AGO1: variants seen among roughly 807,000 people sequenced by gnomAD.
The protein encoded by AGO1 is protein argonaute-1.
A neutral mutation model predicts 109.2 loss-of-function variants in AGO1; 11 were observed. The observed-to-expected ratio is 0.10, with a 90% confidence interval of 0.06 to 0.17. AGO1 has a LOEUF of 0.17. AGO1 is among the 10% of genes least tolerant of loss of function. The pLI is 1.00. For missense variants in AGO1, 574 were observed against 1,140.3 expected (o/e 0.50, Z 7.15); for synonymous variants, 422 against 418.6 (o/e 1.01, Z -0.10).
In AGO1 at chr1:35,919,014, C is replaced by T. The variant is rs1443945240; in HGVS notation, c.2266-41C>T. On this transcript the variant is annotated intron_variant, in intron 17 of 18. Coordinates refer to ENST00000373204, the MANE Select transcript of AGO1 (RefSeq NM_012199.5). The surrounding 1 kb of genome is among the most constrained non-coding windows in gnomAD (Gnocchi z 6.6). Reference sequence around the variant, plus strand: ...CTGTTCCCCTATTATCAGCCATCTTCTCTGCCCAGCCTGGGACCCCTCACC... The same window carrying T: ...CTGTTCCCCTATTATCAGCCATCTTTTCTGCCCAGCCTGGGACCCCTCACC... 1 of 1,582,808 alleles carries T rather than the reference C, an allele frequency of 6.3e-7. No individual in the cohort carries two copies. The highest frequency in any genetic ancestry group is 8.7e-7 in the Non-Finnish European group (1 of 1,152,534).
In AGO1 at chr1:35,916,904, C is replaced by T. The variant is rs187554351; in HGVS notation, c.2029-689C>T. Reference sequence around the variant, plus strand: ...AGCAGGTCTTAGTAACATTAACAGACGTGGAGAAAATGAGACTTAGTGGAG... The same window carrying T: ...AGCAGGTCTTAGTAACATTAACAGATGTGGAGAAAATGAGACTTAGTGGAG... On this transcript the variant is annotated intron_variant, in intron 15 of 18. Coordinates refer to ENST00000373204, the MANE Select transcript of AGO1 (RefSeq NM_012199.5). Among the ~76,000 whole-genome samples the T allele has an allele frequency of 9.2e-5, 14 of 152,272 alleles. No homozygotes were observed. In the East Asian group the frequency reaches 2.1e-3, roughly 23 times the overall value.
In AGO1 at chr1:35,923,676, T is replaced by G. The variant is rs1326832455; in HGVS notation, c.*4069T>G. 6.6e-6 allele frequency: 1 copy of G among 152,624 alleles called. No individual in the cohort carries two copies. Among genetic ancestry groups the G allele is most frequent in the Non-Finnish European group, 1.5e-5 (1 of 68,034 alleles). The allele number at this position is 152,624 out of a possible 1,614,324, so 9.5% of individuals were successfully genotyped here. ...TCGCTTTCCTCCGACTTAATAGGACTTGCCTTCTCCCTGGGCAGGGAGAGA... is the reference window on the plus strand; with the variant it reads ...TCGCTTTCCTCCGACTTAATAGGACGTGCCTTCTCCCTGGGCAGGGAGAGA... On this transcript the variant is annotated 3_prime_UTR_variant, in exon 19 of 19. Transcript: ENST00000373204.
At chr1:35,882,717 G>C, upstream of AGO1, 1 of 706,676 alleles carries the variant, frequency 1.4e-6, no homozygotes, top group Non-Finnish European at 1.7e-6. The surrounding 1 kb of genome is among the most constrained non-coding windows in gnomAD (Gnocchi z 5.1). Context: ...AGCACATGGC[G>C]TGGAAGAGGG....
intron 14 of AGO1, among the ~76,000 whole-genome samples, chr1:35,914,484 A>G (rs1003008850): frequency 6.6e-6 from 1 of 152,156 alleles, no homozygotes; most frequent in South Asian, 2.1e-4. Context: ...GAGTGTAGCC[A>G]GAGACTTGAC....
chr1:35,902,145 T>C, intron 10 of AGO1, 59 bp from the exon 11 acceptor site: 1 of 1,589,012 alleles, frequency 6.3e-7, no homozygotes, highest in Non-Finnish European at 8.6e-7. Context: ...GGGCTTTTGC[T>C]CCCCTACCCA....
intron 15 of AGO1, among the ~76,000 whole-genome samples, chr1:35,915,837 G>A (rs772507997): frequency 2.3e-4 from 35 of 152,196 alleles, no homozygotes; most frequent in Admixed American, 6.5e-5. Context: ...ATCGCCTGGA[G>A]GGCTTGTTAA....
At chr1:35,869,873 C>G (rs1181038083) in exon 1 of AGO1, 1 of 152,062 alleles carries the variant, frequency 6.6e-6, no homozygotes, top group Non-Finnish European at 1.5e-5. Flanking sequence ...ATCCTGAGGA[C>G]ACAGGGGAAG....
chr1:35,924,164 C>T lies in AGO1; in HGVS notation c.*4557C>T, dbSNP rs1645882353. The stretch of plus-strand genomic sequence containing the variant: ...TGTTTGTGTCCTGCTTTGAGCTGTA[C>T]CTTGTCCAGTCCATTGTGAAATTAT... On this transcript the variant is annotated 3_prime_UTR_variant, in exon 19 of 19. Transcript: ENST00000373204. 1 of 152,942 alleles carries T rather than the reference C, an allele frequency of 6.5e-6. No homozygotes were observed. Among genetic ancestry groups the T allele is most frequent in the South Asian group, 2.1e-4 (1 of 4,836 alleles). 9.5% of individuals were successfully genotyped at this position (152,942 alleles called of 1,614,324 possible).
intron 11 of AGO1, among the ~76,000 whole-genome samples, chr1:35,903,227 C>T (rs1257448472): frequency 5.9e-5 from 9 of 151,462 alleles, no homozygotes; most frequent in Non-Finnish European, 1.3e-4. Context: ...AGGATGATCT[C>T]GATTTCCTGA....
Position 35,902,080 on chromosome 1 carries a change from G to A in AGO1, c.1263+10G>A, listed in dbSNP as rs1645426849. ...GCAGTACGGCGGCCGGGTGAGCAGG[G>A]TCAGGGCCAGACAACATCTCGGGGC... On this transcript the variant is annotated intron_variant, in intron 10 of 18. Transcript: ENST00000373204. 1 of 1,596,850 alleles carries A rather than the reference G, an allele frequency of 6.3e-7. No individual in the cohort carries two copies. The highest frequency in any genetic ancestry group is 1.1e-5 in the South Asian group (1 of 88,196).
rs773882882 is a variant in AGO1, at chr1:35,894,327, A to C, written c.797A>C (p.Glu266Ala). The change falls in exon 7 of 19, where the codon GAA (glutamate) becomes GCA (alanine). Residue 266 changes from glutamate to alanine, a missense_variant. By Grantham distance (107) the Glu-to-Ala change is moderately radical. Transcript: ENST00000373204. Reference sequence around the variant, plus strand: ...GTGTGTATCTCAGGCCTGAAGGTGGAAGTCACCCACTGTGGACAGATGAAG... The same window carrying C: ...GTGTGTATCTCAGGCCTGAAGGTGGCAGTCACCCACTGTGGACAGATGAAG... The part of the protein sequence containing the change: ...FTKEIKGLKV[E>A]VTHCGQMKRK... 6.2e-7 allele frequency: 1 copy of C among 1,614,192 alleles called. No individual in the cohort carries two copies. Among genetic ancestry groups the C allele is most frequent in the Admixed American group, 1.7e-5 (1 of 60,020 alleles).
At chr1:35,917,569 C>G in intron 15 of AGO1, 24 bp from the exon 16 acceptor site, 1 of 1,599,216 alleles carries the variant, frequency 6.3e-7, no homozygotes, top group Non-Finnish European at 8.6e-7. Flanking sequence ...TTCTTTGTTT[C>G]CCTCCCCATT....
chr1:35,894,008 G>A, intron 5 of AGO1, 29 bp from the exon 6 acceptor site: 1 of 1,526,014 alleles, frequency 6.6e-7, no homozygotes, highest in Non-Finnish European at 8.8e-7. Context: ...CAGAACCTGA[G>A]CTGAGCTATC....
At chr1:35,903,305 C>CT (rs11347939) in intron 11 of AGO1, among the ~76,000 whole-genome samples, 397 of 144,506 alleles carry the variant, frequency 2.7e-3, no homozygotes, top group Admixed American at 9.5e-3. Context: ...TGTGCCCGGC[C>CT]TTTTTTTTTT....
intron 11 of AGO1, among the ~76,000 whole-genome samples, chr1:35,902,543 A>C (rs1391959938): frequency 6.6e-6 from 1 of 152,210 alleles, no homozygotes; most frequent in African/African-American, 2.4e-5. Flanking sequence ...ATCTATGTCA[A>C]AGATGATGAT....
At chr1:35,891,138 C>G (rs1254457840) in intron 2 of AGO1, among the ~76,000 whole-genome samples, 1 of 152,152 alleles carries the variant, frequency 6.6e-6, no homozygotes, top group Non-Finnish European at 1.5e-5. Context: ...TAGAAGTAAT[C>G]AGGGACATGA....
In AGO1 at chr1:35,883,353, G is replaced by T; in HGVS notation, c.-69G>T. On this transcript the variant is annotated 5_prime_UTR_variant, in exon 1 of 19. Transcript: ENST00000373204. This position sits in a 1 kb window ranked among gnomAD's most constrained non-coding sequence, Gnocchi z 5.4. ...CGGGATCCCGAGCAGCGAGAGTGTG[G>T]GGTACCTAGGCCCCTCACGCTGGAC... is the stretch of plus-strand genomic sequence containing the variant. The T allele has an allele frequency of 6.4e-7, 1 of 1,568,382 alleles. No individual in the cohort carries two copies. The highest frequency in any genetic ancestry group is 8.6e-7 in the Non-Finnish European group (1 of 1,161,214).
intron 16 of AGO1, 72 bp from the exon 17 acceptor site, chr1:35,918,250 G>A: frequency 2.5e-6 from 3 of 1,211,198 alleles, no homozygotes; most frequent in Non-Finnish European, 3.7e-6. Flanking sequence ...TGAAATCAGA[G>A]TAGAATTGAG....
chr1:35,908,222 C>G (rs645383), intron 12 of AGO1, among the ~76,000 whole-genome samples: 21,045 of 152,230 alleles, frequency 0.14, 2,599 homozygotes, highest in East Asian at 0.65. Context: ...TCTCCTAAAT[C>G]TCCTCTGCAC....
Sources: gnomAD v4.1 joint callset for allele counts (sites outside exome capture counted in the v4.1 genomes callset) on GRCh38, gnomAD v4.1.1 for gene constraint, Gnocchi (gnomAD v3.1) non-coding constraint, MANE v1.5 for transcripts, NCBI Gene and HGNC (gene_info 2026-07-23, HGNC 2026-07-21) for gene names.